ADGRL2: variants seen among roughly 807,000 people sequenced by gnomAD.
ADGRL2 encodes adhesion G protein-coupled receptor L2.
A neutral mutation model predicts 157.4 loss-of-function variants in ADGRL2; 44 were observed. The observed-to-expected ratio is 0.28, with a 90% CI of 0.22 to 0.36. The LOEUF (loss-of-function observed/expected upper bound fraction) is 0.36. Among genes scored for constraint, ADGRL2 ranks in the 10% least tolerant of loss-of-function variants. ADGRL2 has a pLI of 1.00. For missense variants in ADGRL2, 1,510 were observed against 1,768.9 expected, an observed-to-expected ratio of 0.85 and a Z score of 2.63; for synonymous variants, 585 against 624.7, an observed-to-expected ratio of 0.94 and a Z score of 0.95.
chr1:81,674,870 C>A (rs936290211), intron 3 of ADGRL2, among the ~76,000 whole-genome samples: 4 of 152,104 alleles, frequency 2.6e-5, no homozygotes, highest in South Asian at 2.1e-4. Context: ...TCAAAAGCAT[C>A]TTCCACTGTA....
chr1:81,797,426 A>G (rs1430456061), upstream of ADGRL2, among the ~76,000 whole-genome samples: 3 of 152,086 alleles, frequency 2.0e-5, no homozygotes. Flanking sequence ...TGTTGCTCAA[A>G]CTTAATGGCA....
At chr1:81,475,743 A>G (rs553820193) in intron 2 of ADGRL2, among the ~76,000 whole-genome samples, 3 of 152,280 alleles carry the variant, frequency 2.0e-5, no homozygotes, top group Admixed American at 6.5e-5. Context: ...GGACAAGTAG[A>G]TGACAGAAAA....
intron 2 of ADGRL2, among the ~76,000 whole-genome samples, chr1:81,790,826 A>G (rs2087301159): frequency 6.6e-6 from 1 of 152,168 alleles, no homozygotes; most frequent in Non-Finnish European, 1.5e-5. Flanking sequence ...CCTATGCCAT[A>G]CAAAGTTGGG....
At chr1:81,691,196 C>T (rs930280533) in intron 3 of ADGRL2, among the ~76,000 whole-genome samples, 1 of 152,132 alleles carries the variant, frequency 6.6e-6, no homozygotes, top group African/African-American at 2.4e-5. Flanking sequence ...TGAGATAAAT[C>T]CTGTTTAAAG....
intron 3 of ADGRL2, among the ~76,000 whole-genome samples, chr1:81,657,733 G>T (rs1428754258): frequency 6.6e-6 from 1 of 152,050 alleles, no homozygotes; most frequent in Non-Finnish European, 1.5e-5. Context: ...TTTTCTATTT[G>T]TGTACCTTTC....
chr1:81,413,285 A>G (rs1369293600), intron 1 of ADGRL2, among the ~76,000 whole-genome samples: 2 of 152,168 alleles, frequency 1.3e-5, no homozygotes, highest in African/African-American at 2.4e-5. Flanking sequence ...CAGAACAGAT[A>G]TATCATCCTG....
chr1:81,388,108 C>A (rs549812791), intron 1 of ADGRL2, among the ~76,000 whole-genome samples: 31 of 152,180 alleles, frequency 2.0e-4, no homozygotes, highest in African/African-American at 7.0e-4. Flanking sequence ...TATTTTCAAA[C>A]TTGTCTTTTA....
Position 81,936,916 on chromosome 1 carries a change from G to A in ADGRL2, c.397+79G>A, listed in dbSNP as rs2095318973. The A allele has an allele frequency of 6.8e-6, 6 of 880,672 alleles. No homozygotes were observed. In the South Asian group the frequency reaches 8.4e-5, roughly 12 times the overall value. The allele number at this position is 880,672 out of a possible 1,614,324, so 54.6% of individuals were successfully genotyped here. ...CTGAAAGACTACACATGTGAAAGAA[G>A]CATATGTTTATGGCCTACAAAACCA... On this transcript the variant is annotated intron_variant, in intron 4 of 23. Coordinates refer to ENST00000686636, the MANE Select transcript of ADGRL2 (RefSeq NM_001366006.2).
At chr1:81,345,433 A>G (rs1401555305) in intron 1 of ADGRL2, among the ~76,000 whole-genome samples, 1 of 152,252 alleles carries the variant, frequency 6.6e-6, no homozygotes, top group Non-Finnish European at 1.5e-5. Flanking sequence ...TTTGATAGCC[A>G]TGCATTCTGC....
chr1:81,859,421 T>TC (rs1166697458), intron 2 of ADGRL2, among the ~76,000 whole-genome samples: 1 of 151,254 alleles, frequency 6.6e-6, no homozygotes, highest in Non-Finnish European at 1.5e-5. Flanking sequence ...TTTTTTTTTT[T>TC]TTTGAGACAG....
At chr1:81,786,880 A>G (rs2087074429) in intron 2 of ADGRL2, among the ~76,000 whole-genome samples, 1 of 152,166 alleles carries the variant, frequency 6.6e-6, no homozygotes, top group South Asian at 2.1e-4. Flanking sequence ...AGTCTGTGAT[A>G]TGGTTTGGCT....
At chr1:81,816,155 G>A (rs1252839679) in intron 1 of ADGRL2, among the ~76,000 whole-genome samples, 1 of 151,648 alleles carries the variant, frequency 6.6e-6, no homozygotes, top group Non-Finnish European at 1.5e-5. Flanking sequence ...AAATCAAGAG[G>A]AGCATATCAA....
chr1:81,979,973 T>C lies in ADGRL2; in HGVS notation c.3113+13T>C. On this transcript the variant is annotated intron_variant, in intron 18 of 23. Transcript: ENST00000686636. ...TGGAAAACATTAAGTAAGTATTTTG[T>C]ATTTTAATTTTAATACTTGACAAAC... 1 of 1,463,168 alleles carries C rather than the reference T, an allele frequency of 6.8e-7. No homozygotes were observed. Among genetic ancestry groups the C allele is most frequent in the South Asian group, 1.1e-5 (1 of 87,358 alleles). 90.6% of individuals were successfully genotyped at this position (1,463,168 alleles called of 1,614,324 possible). A position where few individuals can be genotyped will look rare whatever the true frequency, so the allele number is the denominator to read the frequency against.
chr1:81,574,783 G>A (rs2080764711), intron 2 of ADGRL2, among the ~76,000 whole-genome samples: 3 of 152,142 alleles, frequency 2.0e-5, no homozygotes, highest in Admixed American at 2.0e-4. Flanking sequence ...CATTCAACAG[G>A]AAATTTGAGG....
At chr1:81,553,953 G>GCTCC (rs1369070393) in intron 2 of ADGRL2, among the ~76,000 whole-genome samples, 4 of 152,164 alleles carry the variant, frequency 2.6e-5, no homozygotes, top group Non-Finnish European at 5.9e-5. Flanking sequence ...TAGTTTATAA[G>GCTCC]CTTCAGGTTC....
intron 9 of ADGRL2, 79 bp downstream of exon 9, chr1:81,952,221 A>C: frequency 8.2e-7 from 1 of 1,216,044 alleles, no homozygotes; most frequent in East Asian, 2.6e-5. Context: ...GTTGAGAGCC[A>C]AATCTTTGGC....
chr1:81,568,912 A>G (rs971166862), intron 2 of ADGRL2, among the ~76,000 whole-genome samples: 3 of 152,156 alleles, frequency 2.0e-5, no homozygotes, highest in Non-Finnish European at 4.4e-5. Flanking sequence ...TGTAGCAATA[A>G]TACAGATCTT....
intron 1 of ADGRL2, among the ~76,000 whole-genome samples, chr1:81,390,298 G>T (rs1281806406): frequency 6.6e-6 from 1 of 151,984 alleles, no homozygotes; most frequent in East Asian, 1.9e-4. Context: ...ACGTAAAAGA[G>T]TTATGAAAAC....
intron 3 of ADGRL2, among the ~76,000 whole-genome samples, chr1:81,645,263 G>A (rs766140549): frequency 5.3e-4 from 81 of 151,792 alleles, no homozygotes; most frequent in Non-Finnish European, 9.0e-4. Context: ...ATGGTGGTGC[G>A]TGCCTGTAGT....
Sources: gnomAD v4.1 joint callset for allele counts (sites outside exome capture counted in the v4.1 genomes callset) on GRCh38, gnomAD v4.1.1 for gene constraint, MANE v1.5 for transcripts, NCBI Gene and HGNC (gene_info 2026-07-23, HGNC 2026-07-21) for gene names.